Variants in KCNQ1 observed in about 807,000 individuals in gnomAD.
KCNQ1 encodes potassium voltage-gated channel subfamily Q member 1.
In KCNQ1, 49 loss-of-function variants were observed where a neutral mutation model predicts 72.4. The observed-to-expected ratio is 0.68, with a 90% CI of 0.54 to 0.86. The LOEUF (loss-of-function observed/expected upper bound fraction) is 0.86, where lower values mean the gene tolerates loss of function less well. Among genes scored for constraint, KCNQ1 ranks in the 40% least tolerant of loss-of-function variants. The pLI is 0.00. For synonymous variants in KCNQ1, 450 were observed against 412.6 expected (o/e 1.09, Z -1.10); for missense variants, 790 against 945.1 (o/e 0.84, Z 2.15).
rs1422170433 is a variant in KCNQ1, at chr11:2,617,458, G to C, written c.1393+28604G>C. ...TTGTAGACATACACACCACAGTTTA[G>C]TCATCCATCAATGGACACGTAAGTT... On this transcript the variant is annotated intron_variant, in intron 10 of 15. Coordinates refer to ENST00000155840, the MANE Select transcript of KCNQ1 (RefSeq NM_000218.3). The surrounding 1 kb of genome is among the most constrained non-coding windows in gnomAD (Gnocchi z 4.6). 1 of 398,192 alleles carries C rather than the reference G, an allele frequency of 2.5e-6. No individual in the cohort carries two copies. The highest frequency in any genetic ancestry group is 4.4e-6 in the Non-Finnish European group (1 of 225,912). 24.7% of individuals were successfully genotyped at this position (398,192 alleles called of 1,614,324 possible).
In KCNQ1 at chr11:2,526,425, A is replaced by G. The variant is rs1478351385; in HGVS notation, c.387-1503A>G. On this transcript the variant is annotated intron_variant, in intron 1 of 15. Transcript: ENST00000155840. The surrounding 1 kb of genome is among the most constrained non-coding windows in gnomAD (Gnocchi z 6.1). ...TTTTGGCCCCAGTCCCAGCAGCGGGACTATGGCTGTGGGGAGGGAGGAACC... is the reference window on the plus strand; with the variant it reads ...TTTTGGCCCCAGTCCCAGCAGCGGGGCTATGGCTGTGGGGAGGGAGGAACC... Among the ~76,000 whole-genome samples the G allele has an allele frequency of 1.3e-5, 2 of 151,974 alleles. No individual in the cohort carries two copies. Among genetic ancestry groups the G allele is most frequent in the Non-Finnish European group, 2.9e-5 (2 of 67,970 alleles).
intron 15 of KCNQ1, among the ~76,000 whole-genome samples, chr11:2,792,661 C>T (rs942476152): frequency 1.3e-5 from 2 of 152,172 alleles, no homozygotes; most frequent in Non-Finnish European, 2.9e-5. Context: ...TGAGGCAGTG[C>T]CTGGACCACC....
intron 15 of KCNQ1, among the ~76,000 whole-genome samples, chr11:2,831,206 T>C (rs1308887483): frequency 1.3e-5 from 2 of 152,178 alleles, no homozygotes; most frequent in African/African-American, 2.4e-5. Flanking sequence ...GCTACAGGGA[T>C]GGCCATCGGG....
chr11:2,484,256 G>A lies in KCNQ1; in HGVS notation c.386+38772G>A, dbSNP rs551624799. Among the ~76,000 whole-genome samples the A allele has an allele frequency of 1.3e-5, 2 of 151,976 alleles. No homozygotes were observed. The highest frequency in any genetic ancestry group is 1.5e-5 in the Non-Finnish European group (1 of 67,982). ...TCGGCTCACTGAAACCTCTGCCTCC[G>A]GGGTTCAAGTGATTCTCCTGCCTCA... On this transcript the variant is annotated intron_variant, in intron 1 of 15. Coordinates refer to ENST00000155840, the MANE Select transcript of KCNQ1 (RefSeq NM_000218.3). This position sits in a 1 kb window ranked among gnomAD's most constrained non-coding sequence, Gnocchi z 5.2.
At chr11:2,778,276 G>A (rs1452711622) in intron 15 of KCNQ1, among the ~76,000 whole-genome samples, 2 of 152,246 alleles carry the variant, frequency 1.3e-5, no homozygotes, top group African/African-American at 4.8e-5. Context: ...CTGACAAGTG[G>A]CGTCTTTACT....
At chr11:2,697,519 A>G (rs1850698283) in intron 11 of KCNQ1, 3 of 398,636 alleles carry the variant, frequency 7.5e-6, no homozygotes, top group Non-Finnish European at 1.3e-5. Flanking sequence ...ATCAAGTTGA[A>G]GAAGTTCCTC....
Position 2,720,436 on chromosome 11 carries a change from C to CTG in KCNQ1, c.1515-48407_1515-48406dup, listed in dbSNP as rs1472162692. Among the ~76,000 whole-genome samples the CTG allele has an allele frequency of 6.6e-6, 1 of 152,156 alleles. No individual in the cohort carries two copies. The highest frequency in any genetic ancestry group is 1.9e-4 in the East Asian group (1 of 5,182). ...GGGACAGCTGAAGGCCAGGAGGAAGCTGCTGGCCTCAAGAAGGCCTCTCGA... is the reference window on the plus strand; with the variant it reads ...GGGACAGCTGAAGGCCAGGAGGAAGCTGTGCTGGCCTCAAGAAGGCCTCTCGA... On this transcript the variant is annotated intron_variant, in intron 11 of 15. Coordinates refer to ENST00000155840, the MANE Select transcript of KCNQ1 (RefSeq NM_000218.3). The surrounding 1 kb of genome is among the most constrained non-coding windows in gnomAD (Gnocchi z 5.1).
rs370489217 is a variant in KCNQ1, at chr11:2,458,581, A to G, written c.386+13097A>G. 2.0e-5 allele frequency among the ~76,000 whole-genome samples: 3 copies of G among 150,942 alleles called. No individual in the cohort carries two copies. Among genetic ancestry groups the G allele is most frequent in the African/African-American group, 7.3e-5 (3 of 40,904 alleles). On this transcript the variant is annotated intron_variant, in intron 1 of 15. Transcript: ENST00000155840. This position sits in a 1 kb window ranked among gnomAD's most constrained non-coding sequence, Gnocchi z 4.6. ...AGCTGCCAACCTCTCCAAAGCAGTA[A>G]AGGCCTTCGGACAGTGCACAGAAAG...
At position 2,826,849 on chromosome 11, in the gene KCNQ1, G is replaced by T. The variant is rs1355495181; in HGVS notation, c.1795-20918G>T. Among the ~76,000 whole-genome samples, 2 of 152,236 alleles carry T rather than the reference G, an allele frequency of 1.3e-5. No homozygotes were observed. Among genetic ancestry groups the T allele is most frequent in the Non-Finnish European group, 2.9e-5 (2 of 68,046 alleles). ...AGCCAGAGAGACACACAGGCCAGCAGCCTGTAAACCACTGGGTGTGGGGTG... is the reference window on the plus strand; with the variant it reads ...AGCCAGAGAGACACACAGGCCAGCATCCTGTAAACCACTGGGTGTGGGGTG... On this transcript the variant is annotated intron_variant, in intron 15 of 15. Transcript: ENST00000155840. This position sits in a 1 kb window ranked among gnomAD's most constrained non-coding sequence, Gnocchi z 4.2.
intron 15 of KCNQ1, among the ~76,000 whole-genome samples, chr11:2,780,452 G>A (rs1001227766): frequency 2.0e-5 from 3 of 152,180 alleles, no homozygotes; most frequent in Admixed American, 6.5e-5. Context: ...GCCAATGCCC[G>A]CCGGCCCTGC....
At chr11:2,802,563 C>T (rs952827473) in intron 15 of KCNQ1, among the ~76,000 whole-genome samples, 19 of 152,308 alleles carry the variant, frequency 1.2e-4, no homozygotes, top group Middle Eastern at 3.4e-3. Context: ...CTGGCAGCCA[C>T]CCTGCCTCTC....
intron 12 of KCNQ1, chr11:2,771,646 G>A (rs1456840442): frequency 6.6e-6 from 1 of 152,220 alleles, no homozygotes; most frequent in Non-Finnish European, 1.5e-5. Context: ...CTGTGTTCCT[G>A]AACTGTGAAA....
At chr11:2,445,619 C>T in intron 1 of KCNQ1, 135 bp downstream of exon 1, 1 of 1,059,158 alleles carries the variant, frequency 9.4e-7, no homozygotes, top group Non-Finnish European at 1.4e-6. Flanking sequence ...TGGGGAAACG[C>T]AGAAACACAA....
intron 10 of KCNQ1, among the ~76,000 whole-genome samples, chr11:2,605,020 G>A (rs1263468906): frequency 2.0e-5 from 3 of 152,180 alleles, no homozygotes; most frequent in African/African-American, 7.2e-5. Flanking sequence ...CCTTTTGGGT[G>A]TGATTTGCAT....
chr11:2,628,506 C>T (rs1301863625), intron 10 of KCNQ1: 1 of 398,144 alleles, frequency 2.5e-6, no homozygotes, highest in African/African-American at 2.1e-5. Flanking sequence ...AGTTTTTTTG[C>T]TAGTTATATG....
intron 6 of KCNQ1, among the ~76,000 whole-genome samples, chr11:2,575,002 C>A (rs1171555286): frequency 6.6e-6 from 1 of 152,186 alleles, no homozygotes; most frequent in Admixed American, 6.5e-5. Flanking sequence ...GGAGAGTTCC[C>A]GGGAGGCTGG....
At chr11:2,618,668 G>T (rs531044813) in intron 10 of KCNQ1, 7 of 398,300 alleles carry the variant, frequency 1.8e-5, no homozygotes, top group African/African-American at 1.2e-4. Flanking sequence ...TCAGAATTTC[G>T]TTGGCTACTT....
chr11:2,611,965 C>G lies in KCNQ1; in HGVS notation c.1393+23111C>G, dbSNP rs903055595. 1.1e-4 allele frequency: 45 copies of G among 398,324 alleles called. No individual in the cohort carries two copies. The highest frequency in any genetic ancestry group is 8.4e-4 in the African/African-American group (41 of 48,552). The allele number at this position is 398,324 out of a possible 1,614,324, so 24.7% of individuals were successfully genotyped here. ...ATCTACTCAAATATTTTTGTCTGCC[C>G]TATTCTCTCCTTCTCAGTACTCTTA... On this transcript the variant is annotated intron_variant, in intron 10 of 15. Transcript: ENST00000155840. The surrounding 1 kb of genome is among the most constrained non-coding windows in gnomAD (Gnocchi z 5.3).
At position 2,483,767 on chromosome 11, in the gene KCNQ1, G is replaced by A. The variant is rs1846690788; in HGVS notation, c.386+38283G>A. Among the ~76,000 whole-genome samples, 2 of 152,148 alleles carry A rather than the reference G, an allele frequency of 1.3e-5. No homozygotes were observed. Among genetic ancestry groups the A allele is most frequent in the Admixed American group, 1.3e-4 (2 of 15,268 alleles). On this transcript the variant is annotated intron_variant, in intron 1 of 15. Coordinates refer to ENST00000155840, the MANE Select transcript of KCNQ1 (RefSeq NM_000218.3). This position sits in a 1 kb window ranked among gnomAD's most constrained non-coding sequence, Gnocchi z 6.1. ...GCTGTGTGAGGTCAGCATGTCTTAG[G>A]GCGGGTTCATTTGACCTTGACCACT...
Sources: gnomAD v4.1 joint callset for allele counts (sites outside exome capture counted in the v4.1 genomes callset) on GRCh38, gnomAD v4.1.1 for gene constraint, Gnocchi (gnomAD v3.1) non-coding constraint, MANE v1.5 for transcripts, NCBI Gene and HGNC (gene_info 2026-07-23, HGNC 2026-07-21) for gene names.